GMPR: variants seen among roughly 807,000 people sequenced by gnomAD.
The protein encoded by GMPR is guanosine monophosphate reductase, also known as GMP reductase 1.
A neutral mutation model predicts 38.4 loss-of-function variants in GMPR; 31 were observed. The observed-to-expected ratio is 0.81, with a 90% confidence interval of 0.61 to 1.09. The LOEUF (loss-of-function observed/expected upper bound fraction) is 1.09, where lower values mean the gene tolerates loss of function less well. Ranked by LOEUF, GMPR falls within the 50% of genes least tolerant of loss-of-function variation. The pLI is 0.00. For synonymous variants in GMPR, 162 were observed against 173.3 expected, an observed-to-expected ratio of 0.93 and a Z score of 0.51; for missense variants, 468 against 453.7, an observed-to-expected ratio of 1.03 and a Z score of -0.29.
In GMPR at chr6:16,249,605, A is replaced by G. The variant is rs543554066; in HGVS notation, c.208-679A>G. 5.2e-4 allele frequency among the ~76,000 whole-genome samples: 79 copies of G among 152,286 alleles called. 1 individual carries two copies. Among genetic ancestry groups the G allele is most frequent in the African/African-American group, 1.7e-3 (69 of 41,572 alleles). ...CCTAAAGTGCTGGGATTACAGGCGT[A>G]AGCCACCATGCCTGGGCAACTTAAA... On this transcript the variant is annotated intron_variant, in intron 2 of 8. Coordinates refer to ENST00000259727, the MANE Select transcript of GMPR (RefSeq NM_006877.4).
At chr6:16,244,210 CTT>C (rs760576826) in intron 1 of GMPR, among the ~76,000 whole-genome samples, 258 of 118,692 alleles carry the variant, frequency 2.2e-3, no homozygotes, top group Non-Finnish European at 2.9e-3. Context: ...TCTATTTGTA[CTT>C]TTTTTTTTTT....
In GMPR at chr6:16,250,380, C is replaced by T. The variant is rs752803720; in HGVS notation, c.291+13C>T. ...AGAATGCCTGCAGGTACGACTACAGCCTGGTTATCAATTACCAGTGCTGCA... is the reference window on the plus strand; with the variant it reads ...AGAATGCCTGCAGGTACGACTACAGTCTGGTTATCAATTACCAGTGCTGCA... On this transcript the variant is annotated intron_variant, in intron 3 of 8. Transcript: ENST00000259727. 6.6e-7 allele frequency: 1 copy of T among 1,513,898 alleles called. No individual in the cohort carries two copies. The allele number at this position is 1,513,898 out of a possible 1,614,324, so 93.8% of individuals were successfully genotyped here.
chr6:16,281,493 C>T (rs1759573138), intron 6 of GMPR, among the ~76,000 whole-genome samples: 1 of 151,912 alleles, frequency 6.6e-6, no homozygotes, highest in Admixed American at 6.6e-5. Context: ...TTAGTTTTTA[C>T]TTTTTTATTT....
At chr6:16,280,000 C>T (rs1381276585) in intron 6 of GMPR, among the ~76,000 whole-genome samples, 2 of 152,086 alleles carry the variant, frequency 1.3e-5, no homozygotes, top group Admixed American at 6.5e-5. Flanking sequence ...ATTTGGGAGG[C>T]AGAATTAAAC....
intron 4 of GMPR, chr6:16,259,377 C>G (rs893759479): frequency 2.6e-5 from 4 of 151,922 alleles, no homozygotes; most frequent in African/African-American, 4.8e-5. Flanking sequence ...GGATGTGTAC[C>G]TGCAGGTCAC....
At chr6:16,240,060 A>G (rs921704881) in intron 1 of GMPR, among the ~76,000 whole-genome samples, 2 of 152,254 alleles carry the variant, frequency 1.3e-5, no homozygotes, top group Admixed American at 6.5e-5. Flanking sequence ...TCCTAAGGCA[A>G]GACCAAGATG....
chr6:16,266,849 C>G (rs1759253254), intron 4 of GMPR, among the ~76,000 whole-genome samples: 1 of 151,776 alleles, frequency 6.6e-6, no homozygotes, highest in South Asian at 2.1e-4. Flanking sequence ...GGCTTCACTC[C>G]TGAAGTCAGC....
intron 6 of GMPR, among the ~76,000 whole-genome samples, chr6:16,284,101 G>A (rs1401506156): frequency 6.6e-6 from 1 of 152,182 alleles, no homozygotes; most frequent in Non-Finnish European, 1.5e-5. Context: ...AGTGCTCTGT[G>A]GCCCTCTGGG....
At chr6:16,284,785 C>T (rs977260776) in intron 6 of GMPR, among the ~76,000 whole-genome samples, 12 of 151,918 alleles carry the variant, frequency 7.9e-5, no homozygotes, top group East Asian at 3.9e-4. Context: ...TTTGGGAGGC[C>T]GAGGTGGGCG....
At chr6:16,278,622 C>T (rs890553175) in intron 5 of GMPR, among the ~76,000 whole-genome samples, 162 bp from the exon 6 acceptor site, 15 of 152,196 alleles carry the variant, frequency 9.9e-5, no homozygotes, top group Admixed American at 3.3e-4. Flanking sequence ...TTACAGTGAC[C>T]TCCATCGTGC....
intron 4 of GMPR, among the ~76,000 whole-genome samples, chr6:16,267,764 C>A (rs186800623): frequency 1.3e-5 from 2 of 152,204 alleles, no homozygotes; most frequent in South Asian, 2.1e-4. Context: ...TCTTTCTGAT[C>A]TGGTCTGGAG....
intron 3 of GMPR, among the ~76,000 whole-genome samples, 162 bp from the exon 4 acceptor site, chr6:16,254,400 C>T (rs1758932861): frequency 6.6e-6 from 1 of 152,196 alleles, no homozygotes; most frequent in African/African-American, 2.4e-5. Flanking sequence ...ATCCCCTTTA[C>T]CTCTGCTGTT....
chr6:16,254,077 C>T (rs1382984012), intron 3 of GMPR, among the ~76,000 whole-genome samples: 1 of 152,100 alleles, frequency 6.6e-6, no homozygotes, highest in African/African-American at 2.4e-5. Context: ...ATTACAGGCA[C>T]CTGCCACCAC....
chr6:16,268,629 A>C (rs1345543648), intron 4 of GMPR, among the ~76,000 whole-genome samples: 1 of 152,178 alleles, frequency 6.6e-6, no homozygotes, highest in Non-Finnish European at 1.5e-5. Flanking sequence ...CTGTGGGCCA[A>C]ATCTAGCCGC....
chr6:16,243,357 G>A (rs1352443743), intron 1 of GMPR, among the ~76,000 whole-genome samples: 1 of 152,166 alleles, frequency 6.6e-6, no homozygotes, highest in Non-Finnish European at 1.5e-5. Flanking sequence ...GCGGCTCTCT[G>A]GTAGCACTGC....
chr6:16,260,107 G>A (rs1759052123), intron 4 of GMPR, among the ~76,000 whole-genome samples: 1 of 152,062 alleles, frequency 6.6e-6, no homozygotes, highest in Admixed American at 6.6e-5. Flanking sequence ...GTAGCATTCT[G>A]AGGACAGGTC....
intron 2 of GMPR, among the ~76,000 whole-genome samples, chr6:16,247,731 A>G (rs1758787718): frequency 1.3e-5 from 2 of 152,184 alleles, no homozygotes; most frequent in African/African-American, 2.4e-5. Context: ...ACAGATGAGG[A>G]AACTGAGGCA....
chr6:16,250,346 A>C lies in GMPR; in HGVS notation c.270A>C (p.Thr90=). ...TGGATGACTGGAAGCTCTTTGCCAC[A>C]AATCACCCAGAATGCCTGCAGGTAC... ...YSLDDWKLFA[T]NHPECLQNVA... The change falls in exon 3 of 9, where the codon ACA becomes ACC. Residue 90 remains threonine, a synonymous_variant. Coordinates refer to ENST00000259727, the MANE Select transcript of GMPR (RefSeq NM_006877.4). 2.5e-6 allele frequency: 4 copies of C among 1,606,028 alleles called. No individual in the cohort carries two copies. The highest frequency in any genetic ancestry group is 3.4e-6 in the Non-Finnish European group (4 of 1,172,526).
intron 4 of GMPR, among the ~76,000 whole-genome samples, chr6:16,257,721 G>A (rs1028045016): frequency 3.3e-5 from 5 of 152,188 alleles, no homozygotes; most frequent in South Asian, 2.1e-4. Context: ...TAGTTTCACC[G>A]TTCCTCATAG....
Sources: gnomAD v4.1 joint callset for allele counts (sites outside exome capture counted in the v4.1 genomes callset) on GRCh38, gnomAD v4.1.1 for gene constraint, MANE v1.5 for transcripts, NCBI Gene and HGNC (gene_info 2026-07-23, HGNC 2026-07-21) for gene names.